Variants in FBXW8 observed in about 807,000 individuals in gnomAD.
FBXW8 encodes the protein F-box and WD repeat domain containing 8, also known as F-box/WD repeat-containing protein 8.
In FBXW8, 57 loss-of-function variants were observed where a neutral mutation model predicts 65.3. The observed-to-expected ratio is 0.87, with a 90% confidence interval of 0.71 to 1.09. The LOEUF is 1.09. FBXW8 is among the 50% of genes least tolerant of loss of function. FBXW8 has a pLI of 0.00. For missense variants in FBXW8, 777 were observed against 814.8 expected (o/e 0.95, Z 0.57); for synonymous variants, 308 against 330.2 (o/e 0.93, Z 0.73).
intron 7 of FBXW8, among the ~76,000 whole-genome samples, chr12:117,007,770 A>G (rs905350045): frequency 2.0e-5 from 3 of 152,202 alleles, no homozygotes; most frequent in African/African-American, 7.2e-5. Context: ...TCACTAGTCT[A>G]TGGCAATCAG....
At chr12:116,971,511 T>C (rs1411500181) in intron 5 of FBXW8, among the ~76,000 whole-genome samples, 1 of 152,170 alleles carries the variant, frequency 6.6e-6, no homozygotes, top group African/African-American at 2.4e-5. Flanking sequence ...TATTAGGGGC[T>C]GGAGGAAGTT....
At chr12:116,956,307 C>T (rs1016683272) in intron 4 of FBXW8, among the ~76,000 whole-genome samples, 13 of 152,104 alleles carry the variant, frequency 8.5e-5, no homozygotes, top group African/African-American at 1.4e-4. Context: ...AAACCATTAG[C>T]GCTCTTCTTA....
intron 4 of FBXW8, chr12:116,951,233 A>G (rs1883261198): frequency 6.6e-6 from 1 of 152,202 alleles, no homozygotes; most frequent in African/African-American, 2.4e-5. Flanking sequence ...CCTCTTTCTA[A>G]GAAAACCTTA....
At chr12:116,978,426 A>G (rs757395787) in intron 5 of FBXW8, 1 of 152,248 alleles carries the variant, frequency 6.6e-6, no homozygotes, top group Non-Finnish European at 1.5e-5. Flanking sequence ...TTTTGTCAAA[A>G]TGCCTTTTCC....
chr12:116,916,542 A>AT lies in FBXW8; in HGVS notation c.318+5198dup, dbSNP rs541084019. 4.7e-4 allele frequency among the ~76,000 whole-genome samples: 69 copies of AT among 148,244 alleles called. 1 individual carries two copies. The highest frequency in any genetic ancestry group is 4.5e-3 in the South Asian group (21 of 4,626). On this transcript the variant is annotated intron_variant, in intron 1 of 10. Transcript: ENST00000652555. ...GGTCCCAGTGTTGTAAGGTCTTTAG[A>AT]TTTTTTTTTTTAATTGGGAATATGT... is the stretch of plus-strand genomic sequence containing the variant.
In FBXW8 at chr12:117,027,386, C is replaced by T. The variant is rs1954257426; in HGVS notation, c.1542-8C>T. 6.2e-7 allele frequency: 1 copy of T among 1,613,142 alleles called. No individual in the cohort carries two copies. The highest frequency in any genetic ancestry group is 1.3e-5 in the African/African-American group (1 of 74,908). On this transcript the variant is annotated splice_polypyrimidine_tract_variant and splice_region_variant and intron_variant, in intron 9 of 10. Transcript: ENST00000652555. ...CCCCCTTACGAGCTCTCTCCCACTG[C>T]CTTCCAGGCACCCGGTGCAGCACAT... is the stretch of plus-strand genomic sequence containing the variant.
chr12:116,925,779 C>CA (rs1308441248), intron 1 of FBXW8, among the ~76,000 whole-genome samples: 1 of 152,216 alleles, frequency 6.6e-6, no homozygotes, highest in Non-Finnish European at 1.5e-5. Context: ...GTGAGACCAG[C>CA]ATGAGGTCTC....
intron 3 of FBXW8, among the ~76,000 whole-genome samples, chr12:116,948,196 G>GT (rs1245899317): frequency 4.6e-5 from 7 of 152,148 alleles, no homozygotes; most frequent in East Asian, 3.9e-4. Flanking sequence ...TGGCCATAGT[G>GT]TTTTTTTTCC....
chr12:116,965,438 A>G (rs1372211870), intron 5 of FBXW8, among the ~76,000 whole-genome samples: 1 of 152,218 alleles, frequency 6.6e-6, no homozygotes, highest in Non-Finnish European at 1.5e-5. Context: ...TATCTATGCA[A>G]AGAAACTCTT....
intron 7 of FBXW8, among the ~76,000 whole-genome samples, chr12:116,993,329 C>T (rs1291875337): frequency 1.3e-5 from 2 of 152,022 alleles, no homozygotes; most frequent in Non-Finnish European, 2.9e-5. Flanking sequence ...GTCTCGAACT[C>T]CTGACCTCGT....
At chr12:116,912,186 T>TC (rs1880009742) in intron 1 of FBXW8, among the ~76,000 whole-genome samples, 1 of 113,284 alleles carries the variant, frequency 8.8e-6, no homozygotes, top group Non-Finnish European at 2.1e-5. Flanking sequence ...TTTTTTTTTT[T>TC]CTTTCTTTCT....
chr12:116,940,528 A>T (rs1397495880), intron 2 of FBXW8, among the ~76,000 whole-genome samples: 1 of 151,318 alleles, frequency 6.6e-6, no homozygotes, highest in East Asian at 1.9e-4. Context: ...GTGTTTAAAA[A>T]AAAAAACCCT....
intron 8 of FBXW8, among the ~76,000 whole-genome samples, chr12:117,019,064 C>G (rs1357298787): frequency 6.6e-6 from 1 of 152,212 alleles, no homozygotes; most frequent in Non-Finnish European, 1.5e-5. Context: ...TTTCTCTTCT[C>G]TTACCTACGC....
intron 4 of FBXW8, among the ~76,000 whole-genome samples, chr12:116,960,227 C>T (rs933726019): frequency 2.0e-5 from 3 of 152,312 alleles, no homozygotes; most frequent in African/African-American, 4.8e-5. Context: ...CTGCCCCAAC[C>T]TGTGTTTTAC....
intron 7 of FBXW8, among the ~76,000 whole-genome samples, chr12:116,990,478 G>A (rs1287699618): frequency 6.6e-6 from 1 of 152,152 alleles, no homozygotes; most frequent in East Asian, 1.9e-4. Flanking sequence ...TTTGTTGAGA[G>A]AGGGGAGACC....
intron 1 of FBXW8, among the ~76,000 whole-genome samples, chr12:116,915,543 C>T (rs913385744): frequency 1.3e-5 from 2 of 152,070 alleles, no homozygotes; most frequent in Non-Finnish European, 2.9e-5. Flanking sequence ...GTGTTCCCTT[C>T]CACCCAAGGG....
intron 8 of FBXW8, among the ~76,000 whole-genome samples, chr12:117,018,189 A>G (rs1424932491): frequency 2.6e-5 from 4 of 152,094 alleles, no homozygotes; most frequent in Non-Finnish European, 4.4e-5. Context: ...CTATGGTGTG[A>G]TTTTCATTAG....
chr12:116,987,135 G>A (rs1038940981), intron 6 of FBXW8: 1 of 152,280 alleles, frequency 6.6e-6, no homozygotes, highest in African/African-American at 2.4e-5. Flanking sequence ...TATTAGCCTA[G>A]TGCGGCTGTC....
chr12:116,974,554 C>G (rs1294814056), intron 5 of FBXW8, among the ~76,000 whole-genome samples: 2 of 152,202 alleles, frequency 1.3e-5, no homozygotes, highest in African/African-American at 4.8e-5. Context: ...TCAGAATAAA[C>G]TTCCATACTA....
Sources: allele counts gnomAD v4.1 joint callset (sites outside exome capture counted in the v4.1 genomes callset), GRCh38; gene constraint gnomAD v4.1.1; transcripts MANE v1.5; gene names NCBI Gene and HGNC (gene_info 2026-07-23, HGNC 2026-07-21).